Variants in TACC2 observed in about 807,000 individuals in gnomAD.
TACC2 encodes transforming acidic coiled-coil-containing protein 2.
A neutral mutation model predicts 227.3 loss-of-function variants in TACC2; 137 were observed. That is an observed-to-expected ratio of 0.60 (90% CI 0.52 to 0.69). The LOEUF (loss-of-function observed/expected upper bound fraction) is 0.69. TACC2 is among the 30% of genes least tolerant of loss of function. TACC2 has a pLI of 0.00. For synonymous variants in TACC2, 1,523 were observed against 1,487.5 expected, an observed-to-expected ratio of 1.02 and a Z score of -0.55; for missense variants, 3,470 against 3,694.4, an observed-to-expected ratio of 0.94 and a Z score of 1.57.
At chr10:122,009,045 A>C (rs1359931140) in intron 1 of TACC2, among the ~76,000 whole-genome samples, 3 of 152,170 alleles carry the variant, frequency 2.0e-5, no homozygotes, top group Non-Finnish European at 4.4e-5. Context: ...TATTGTCCCA[A>C]CTGTTTCTAG....
chr10:122,082,729 G>A lies in TACC2; in HGVS notation c.229G>A (p.Val77Met). 6.2e-7 allele frequency: 1 copy of A among 1,614,082 alleles called. No homozygotes were observed. Among genetic ancestry groups the A allele is most frequent in the Non-Finnish European group, 8.5e-7 (1 of 1,180,012 alleles). ...GGATCCATGCCTTGTGTCCCCAGAG[G>A]TGACTGAGCCAAGGAAGGACCCACA... Reference protein sequence around the residue: ...SLDPCLVSPEVTEPRKDPQGA... With the variant: ...SLDPCLVSPEMTEPRKDPQGA... Residue 77 changes from valine to methionine, a missense_variant, in exon 4 of 23, where the codon GTG (valine) becomes ATG (methionine). By Grantham distance (21) the Val-to-Met change is conservative. Coordinates refer to ENST00000369005, the MANE Select transcript of TACC2 (RefSeq NM_206862.4).
chr10:122,091,183 G>A (rs1332032199), intron 5 of TACC2, among the ~76,000 whole-genome samples: 1 of 152,018 alleles, frequency 6.6e-6, no homozygotes, highest in South Asian at 2.1e-4. Context: ...TAGCATAGCA[G>A]CCCCTGGCTA....
At chr10:122,249,203 C>T (rs1295540464) in intron 21 of TACC2, 47 bp downstream of exon 21, 5 of 1,448,612 alleles carry the variant, frequency 3.5e-6, no homozygotes, top group Non-Finnish European at 3.8e-6. Context: ...TCCCAGCAGC[C>T]CTTTTACCCA....
At chr10:122,094,803 G>A (rs1287223818) in intron 5 of TACC2, among the ~76,000 whole-genome samples, 1 of 152,174 alleles carries the variant, frequency 6.6e-6, no homozygotes, top group East Asian at 1.9e-4. Context: ...CCACTTCAAA[G>A]TCAAGGGCCA....
Position 122,058,894 on chromosome 10 carries a change from G to GT in TACC2, c.146+8359dup, listed in dbSNP as rs34253781. 1.6e-3 allele frequency among the ~76,000 whole-genome samples: 217 copies of GT among 136,770 alleles called. 2 individuals carry two copies. The highest frequency in any genetic ancestry group is 4.4e-3 in the African/African-American group (164 of 37,498). 89.7% of individuals were successfully genotyped at this position (136,770 alleles called of 152,430 possible). A position where few individuals can be genotyped will look rare whatever the true frequency, so the allele number is the denominator to read the frequency against. ...CCACTGAGCCCAGCCCCCTCTGTGTGTTTTTTTTTTTTTTTGAGACACGGT... is the reference window on the plus strand; with the variant it reads ...CCACTGAGCCCAGCCCCCTCTGTGTGTTTTTTTTTTTTTTTTGAGACACGGT... On this transcript the variant is annotated intron_variant, in intron 3 of 22. Coordinates refer to ENST00000369005, the MANE Select transcript of TACC2 (RefSeq NM_206862.4).
At chr10:122,134,762 A>G (rs1200815639) in intron 6 of TACC2, among the ~76,000 whole-genome samples, 1 of 152,190 alleles carries the variant, frequency 6.6e-6, no homozygotes, top group Admixed American at 6.5e-5. Flanking sequence ...CGATGCTCCC[A>G]TCTTACAGTC....
intron 5 of TACC2, among the ~76,000 whole-genome samples, chr10:122,119,911 T>C (rs1307092243): frequency 1.4e-5 from 2 of 142,414 alleles, no homozygotes; most frequent in East Asian, 2.0e-4. Flanking sequence ...AGAGTGAGAC[T>C]CCTTCTCAAA....
Position 122,199,256 on chromosome 10 carries a change from G to A in TACC2, c.5971+4080G>A, listed in dbSNP as rs764885730. On this transcript the variant is annotated intron_variant, in intron 8 of 22. Transcript: ENST00000369005. Reference sequence around the variant, plus strand: ...ACAGATTCACAGCCACCAGATCCAAGCACCAGTGTCCTCGCCAGGCACTCG... The same window carrying A: ...ACAGATTCACAGCCACCAGATCCAAACACCAGTGTCCTCGCCAGGCACTCG... Among the ~76,000 whole-genome samples, 21 of 152,380 alleles carry A rather than the reference G, an allele frequency of 1.4e-4. No individual in the cohort carries two copies. In the South Asian group the frequency reaches 1.4e-3, roughly 11 times the overall value.
intron 5 of TACC2, among the ~76,000 whole-genome samples, chr10:122,125,067 T>C (rs2086578591): frequency 6.6e-6 from 1 of 151,086 alleles, no homozygotes; most frequent in African/African-American, 2.4e-5. Context: ...CCTGCTCAAA[T>C]TCACCAGCAG....
intron 7 of TACC2, among the ~76,000 whole-genome samples, chr10:122,190,552 C>T (rs781256450): frequency 6.6e-6 from 1 of 152,188 alleles, no homozygotes; most frequent in African/African-American, 2.4e-5. Context: ...TGGTTGTACA[C>T]ACCGCACTGT....
intron 7 of TACC2, among the ~76,000 whole-genome samples, chr10:122,178,616 G>C (rs1421907166): frequency 6.6e-6 from 1 of 152,010 alleles, no homozygotes; most frequent in African/African-American, 2.4e-5. Context: ...AGGCGCAGTG[G>C]CTCACGCCTG....
At chr10:122,091,905 A>G (rs1468123517) in intron 5 of TACC2, among the ~76,000 whole-genome samples, 2 of 152,228 alleles carry the variant, frequency 1.3e-5, no homozygotes, top group Non-Finnish European at 2.9e-5. Context: ...TCTGCTCCTT[A>G]CTAATTACAT....
intron 8 of TACC2, among the ~76,000 whole-genome samples, chr10:122,206,446 C>G (rs536448998): frequency 6.6e-6 from 1 of 152,162 alleles, no homozygotes; most frequent in Admixed American, 6.5e-5. Flanking sequence ...GGGTGGGGCC[C>G]TAAGCCCATG....
intron 7 of TACC2, among the ~76,000 whole-genome samples, chr10:122,187,311 G>A (rs1184271825): frequency 2.6e-5 from 4 of 152,114 alleles, no homozygotes; most frequent in African/African-American, 4.8e-5. Flanking sequence ...AGCACTACCC[G>A]GAGCTCGCCC....
chr10:122,089,603 G>A lies in TACC2; in HGVS notation c.5573+1012G>A, dbSNP rs183528557. Among the ~76,000 whole-genome samples the A allele has an allele frequency of 5.3e-4, 81 of 152,318 alleles. 1 individual carries two copies. Among genetic ancestry groups the A allele is most frequent in the African/African-American group, 1.9e-3 (77 of 41,574 alleles). ...CAGACACACAGTGAACAAGCTTTCC[G>A]CCTCCCTAGGCCTTTGGCTGTTCTG... On this transcript the variant is annotated intron_variant, in intron 5 of 22. Transcript: ENST00000369005.
intron 1 of TACC2, among the ~76,000 whole-genome samples, chr10:122,015,295 A>G (rs1341187873): frequency 6.6e-6 from 1 of 152,152 alleles, no homozygotes; most frequent in Non-Finnish European, 1.5e-5. Context: ...ACCTGAGGTC[A>G]GGAGGTCGAG....
chr10:122,134,425 T>C (rs551058990), intron 6 of TACC2, among the ~76,000 whole-genome samples: 16 of 152,310 alleles, frequency 1.1e-4, no homozygotes, highest in African/African-American at 3.4e-4. Flanking sequence ...GTAATCTGCC[T>C]GCCTCGGCCT....
chr10:122,017,979 T>G (rs1956895110), intron 1 of TACC2, among the ~76,000 whole-genome samples: 1 of 144,084 alleles, frequency 6.9e-6, no homozygotes, highest in Non-Finnish European at 1.5e-5. Context: ...AATGTAAAAG[T>G]AGACCTCATT....
rs2079860113 is a variant in TACC2, at chr10:122,084,329, T to C, written c.1829T>C (p.Val610Ala). The change falls in exon 4 of 23, where the codon GTA (valine) becomes GCA (alanine). Residue 610 changes from valine to alanine, a missense_variant. Around this residue, in one of 10 missense-constraint regions of TACC2, gnomAD observed 1,924 missense variants for 1,978.3 expected, o/e 0.97. Coordinates refer to ENST00000369005, the MANE Select transcript of TACC2 (RefSeq NM_206862.4). ...TTCAGCAGCAAGCGTGATCCAGAAG[T>C]AGGCAAAGATGAGCTTTCAAAGCCA... ...QAFSSKRDPEVGKDELSKPSS... is the reference protein window; with the variant it reads ...QAFSSKRDPEAGKDELSKPSS... 1 of 1,613,752 alleles carries C rather than the reference T, an allele frequency of 6.2e-7. No individual in the cohort carries two copies. Among genetic ancestry groups the C allele is most frequent in the Non-Finnish European group, 8.5e-7 (1 of 1,180,020 alleles).
Sources: allele counts gnomAD v4.1 joint callset (sites outside exome capture counted in the v4.1 genomes callset), GRCh38; gene constraint gnomAD v4.1.1; regional missense constraint gnomAD v4.1.1; transcripts MANE v1.5; gene names NCBI Gene and HGNC (gene_info 2026-07-23, HGNC 2026-07-21).